CNTN4: variants seen among roughly 807,000 people sequenced by gnomAD.
The protein encoded by CNTN4 is contactin-4.
A neutral mutation model predicts 122.5 loss-of-function variants in CNTN4; 77 were observed. The ratio of observed to expected loss-of-function variants is 0.63; its 90% confidence interval spans 0.52 to 0.76. The LOEUF is 0.76. CNTN4 is among the 30% of genes least tolerant of loss of function. The probability of loss-of-function intolerance (pLI) is 0.00; values close to 1 mark genes in which losing one functional copy is unlikely to be tolerated. For synonymous variants in CNTN4, 512 were observed against 447.0 expected, an observed-to-expected ratio of 1.15 and a Z score of -1.83; for missense variants, 1,256 against 1,259.1, an observed-to-expected ratio of 1.00 and a Z score of 0.04.
chr3:2,191,673 A>T (rs1421544408), intron 2 of CNTN4, among the ~76,000 whole-genome samples: 1 of 150,784 alleles, frequency 6.6e-6, no homozygotes, highest in African/African-American at 2.4e-5. Context: ...GAGTGAGGTT[A>T]TCTATTTAAC....
At chr3:2,688,364 A>T (rs2085547737) in intron 4 of CNTN4, among the ~76,000 whole-genome samples, 1 of 152,214 alleles carries the variant, frequency 6.6e-6, no homozygotes, top group African/African-American at 2.4e-5. Context: ...GAATCATTTG[A>T]TGTGAAAGGT....
At chr3:2,403,224 A>T (rs558713718) in intron 3 of CNTN4, among the ~76,000 whole-genome samples, 3 of 152,246 alleles carry the variant, frequency 2.0e-5, no homozygotes, top group Admixed American at 2.0e-4. Flanking sequence ...GCTCTACTCC[A>T]GTATGACCTC....
At chr3:2,948,506 A>C (rs1228308188) in intron 13 of CNTN4, among the ~76,000 whole-genome samples, 2 of 152,236 alleles carry the variant, frequency 1.3e-5, no homozygotes, top group African/African-American at 2.4e-5. Flanking sequence ...TTAGGCTCGC[A>C]GGAAAATCTG....
At chr3:2,360,244 G>C (rs576106787) in intron 3 of CNTN4, among the ~76,000 whole-genome samples, 1 of 152,204 alleles carries the variant, frequency 6.6e-6, no homozygotes, top group Non-Finnish European at 1.5e-5. Context: ...TAAACAGAAG[G>C]TCAGTTTGAG....
At chr3:2,441,921 T>A (rs192523867) in intron 3 of CNTN4, among the ~76,000 whole-genome samples, 1 of 152,264 alleles carries the variant, frequency 6.6e-6, no homozygotes, top group Admixed American at 6.5e-5. Flanking sequence ...AATGCTGTAT[T>A]TTCATTTCTG....
At chr3:2,817,674 A>T (rs926049814) in intron 6 of CNTN4, among the ~76,000 whole-genome samples, 1 of 152,202 alleles carries the variant, frequency 6.6e-6, no homozygotes, top group African/African-American at 2.4e-5. Flanking sequence ...TACCTAGATG[A>T]TACGTGATCT....
intron 13 of CNTN4, among the ~76,000 whole-genome samples, chr3:2,957,161 G>C (rs961943192): frequency 6.6e-6 from 1 of 152,160 alleles, no homozygotes; most frequent in Non-Finnish European, 1.5e-5. Context: ...GCAGAAGTGG[G>C]ATTGCTGGAT....
intron 4 of CNTN4, among the ~76,000 whole-genome samples, chr3:2,650,589 T>G (rs770894353): frequency 6.6e-6 from 1 of 152,178 alleles, no homozygotes; most frequent in African/African-American, 2.4e-5. Context: ...AACTTCAATG[T>G]TGTCTTATTT....
At chr3:2,377,012 C>T (rs1442504612) in intron 3 of CNTN4, among the ~76,000 whole-genome samples, 4 of 152,048 alleles carry the variant, frequency 2.6e-5, no homozygotes, top group Admixed American at 2.6e-4. Context: ...AAAAATTAGC[C>T]AGGCATAGTG....
At chr3:2,245,651 G>C (rs889797608) in intron 2 of CNTN4, among the ~76,000 whole-genome samples, 13 of 151,958 alleles carry the variant, frequency 8.6e-5, no homozygotes, top group African/African-American at 3.1e-4. Flanking sequence ...AGAACTCTTA[G>C]CATTTTGATT....
At chr3:2,549,338 G>T (rs2149349195) in intron 3 of CNTN4, among the ~76,000 whole-genome samples, 1 of 152,260 alleles carries the variant, frequency 6.6e-6, no homozygotes, top group Non-Finnish European at 1.5e-5. Flanking sequence ...CTGTGGGTTT[G>T]TCATAAATAG....
chr3:2,349,921 C>T lies in CNTN4; in HGVS notation c.-89+10688C>T, dbSNP rs193170966. 1.2e-4 allele frequency among the ~76,000 whole-genome samples: 18 copies of T among 152,196 alleles called. 1 individual carries two copies. Among genetic ancestry groups the T allele is most frequent in the African/African-American group, 3.9e-4 (16 of 41,528 alleles). On this transcript the variant is annotated intron_variant, in intron 3 of 24. Transcript: ENST00000418658. ...GAAACAACAGTCAACTTTATATGAA[C>T]AGGATGAAATAGCATACAACAGGAT...
chr3:3,017,842 C>G (rs1204741464), intron 14 of CNTN4, among the ~76,000 whole-genome samples: 1 of 152,178 alleles, frequency 6.6e-6, no homozygotes, highest in African/African-American at 2.4e-5. Context: ...AAGAGACAAT[C>G]AGCAAATAGA....
At chr3:2,153,673 G>C (rs2035591593) in intron 2 of CNTN4, among the ~76,000 whole-genome samples, 1 of 152,160 alleles carries the variant, frequency 6.6e-6, no homozygotes, top group Non-Finnish European at 1.5e-5. Context: ...CGGGGAGGTA[G>C]TTGAAGCGTT....
At position 3,046,888 on chromosome 3, in the gene CNTN4, G is replaced by C. The variant is rs923333351; in HGVS notation, c.2811+3184G>C. Among the ~76,000 whole-genome samples, 3 of 138,354 alleles carry C rather than the reference G, an allele frequency of 2.2e-5. 1 individual carries two copies. Among genetic ancestry groups the C allele is most frequent in the Non-Finnish European group, 4.8e-5 (3 of 62,948 alleles). The allele number at this position is 138,354 out of a possible 152,430, so 90.8% of individuals were successfully genotyped here. Reference sequence around the variant, plus strand: ...GCTGTATTCAGGAAACCTGTCTCACGTGCAGGGACACACATAGGCTCAAAA... The same window carrying C: ...GCTGTATTCAGGAAACCTGTCTCACCTGCAGGGACACACATAGGCTCAAAA... On this transcript the variant is annotated intron_variant, in intron 23 of 24. Transcript: ENST00000418658.
intron 4 of CNTN4, among the ~76,000 whole-genome samples, chr3:2,618,565 CAGAAACTA>C (rs1432806556): frequency 1.3e-5 from 2 of 152,016 alleles, no homozygotes; most frequent in African/African-American, 4.8e-5. Flanking sequence ...GATCCTATTC[CAGAAACTA>C]AGAAACTGAG....
chr3:2,630,108 T>C lies in CNTN4; in HGVS notation c.55+58550T>C, dbSNP rs544355311. Reference sequence around the variant, plus strand: ...CTGTTATCACACAACAACAGCAGCATTGAGAAGTTGTAAAGGAGCAAAAAA... The same window carrying C: ...CTGTTATCACACAACAACAGCAGCACTGAGAAGTTGTAAAGGAGCAAAAAA... On this transcript the variant is annotated intron_variant, in intron 4 of 24. Coordinates refer to ENST00000418658, the MANE Select transcript of CNTN4 (RefSeq NM_175607.3). Among the ~76,000 whole-genome samples, 4 of 152,276 alleles carry C rather than the reference T, an allele frequency of 2.6e-5. No homozygotes were observed. In the South Asian group the frequency reaches 6.2e-4, roughly 24 times the overall value.
intron 4 of CNTN4, among the ~76,000 whole-genome samples, chr3:2,639,827 A>G (rs2082824029): frequency 6.6e-6 from 1 of 152,236 alleles, no homozygotes. Flanking sequence ...TTGTACAGAT[A>G]AAGCCAAATG....
At chr3:2,373,031 A>AGT (rs1237056122) in intron 3 of CNTN4, among the ~76,000 whole-genome samples, 2 of 152,216 alleles carry the variant, frequency 1.3e-5, no homozygotes, top group Admixed American at 1.3e-4. Flanking sequence ...TGGGCAACAC[A>AGT]GTAAGACTCT....
Sources: allele counts gnomAD v4.1 joint callset (sites outside exome capture counted in the v4.1 genomes callset), GRCh38; gene constraint gnomAD v4.1.1; transcripts MANE v1.5; gene names NCBI Gene and HGNC (gene_info 2026-07-23, HGNC 2026-07-21).